The following CPNE4 variants were observed in gnomAD, a reference collection of about 807,000 sequenced individuals.
The protein encoded by CPNE4 is copine 4, also known as copine-4.
A neutral mutation model predicts 67.9 loss-of-function variants in CPNE4; 25 were observed. The ratio of observed to expected loss-of-function variants is 0.37; its 90% CI spans 0.27 to 0.51. The LOEUF is 0.51. Ranked by LOEUF, CPNE4 falls within the 20% of genes least tolerant of loss-of-function variation. CPNE4 has a pLI of 0.93. For missense variants in CPNE4, 464 were observed against 690.8 expected, an observed-to-expected ratio of 0.67 and a Z score of 3.68; for synonymous variants, 242 against 244.9, an observed-to-expected ratio of 0.99 and a Z score of 0.11.
chr3:131,990,788 TC>T (rs2073158810), intron 1 of CPNE4, among the ~76,000 whole-genome samples: 1 of 135,652 alleles, frequency 7.4e-6, no homozygotes, highest in African/African-American at 2.5e-5. Context: ...CTTGGCTGTG[TC>T]CCCACCCAAA....
At chr3:131,716,880 A>AC (rs2081705446) in intron 3 of CPNE4, among the ~76,000 whole-genome samples, 3 of 152,124 alleles carry the variant, frequency 2.0e-5, no homozygotes, top group African/African-American at 7.2e-5. Flanking sequence ...AGACCATCAG[A>AC]CCCCACACCA....
intron 1 of CPNE4, among the ~76,000 whole-genome samples, chr3:132,005,324 T>TATAC (rs2073562277): frequency 2.0e-5 from 1 of 51,056 alleles, no homozygotes; most frequent in Non-Finnish European, 4.9e-5. Context: ...CATATATATA[T>TATAC]ATATATATAT....
At position 131,535,381 on chromosome 3, in the gene CPNE4, A is replaced by C. The variant is rs772404448; in HGVS notation, c.1540-52T>G. ...CGTTGGCTTCTGGTCAAGGAATCAG[A>C]CTCATCCTAAAAGATTTGAGTCCTG... On this transcript the variant is annotated intron_variant, in intron 15 of 15. Coordinates refer to ENST00000429747, the MANE Select transcript of CPNE4 (RefSeq NM_130808.3). The C allele has an allele frequency of 1.9e-6, 3 of 1,562,970 alleles. No homozygotes were observed. The South Asian group carries it at 3.6e-5, about 19-fold the overall frequency.
chr3:131,827,283 C>G (rs1478898494), intron 2 of CPNE4, among the ~76,000 whole-genome samples: 1 of 152,106 alleles, frequency 6.6e-6, no homozygotes, highest in Non-Finnish European at 1.5e-5. Flanking sequence ...GTTTCTTTAG[C>G]CTTGCCAGTA....
intron 1 of CPNE4, among the ~76,000 whole-genome samples, chr3:131,979,549 C>A (rs2107634729): frequency 6.6e-6 from 1 of 152,248 alleles, no homozygotes; most frequent in Non-Finnish European, 1.5e-5. Context: ...TTTTCCACCC[C>A]TTTACTTTAA....
chr3:131,564,924 A>G (rs1031771698), intron 10 of CPNE4, among the ~76,000 whole-genome samples: 2 of 152,032 alleles, frequency 1.3e-5, no homozygotes, highest in African/African-American at 4.8e-5. Flanking sequence ...TTCATGTAAG[A>G]ACTCCTGCCT....
chr3:132,030,326 C>T (rs963979284), intron 1 of CPNE4, among the ~76,000 whole-genome samples: 1 of 152,062 alleles, frequency 6.6e-6, no homozygotes, highest in African/African-American at 2.4e-5. Flanking sequence ...TTGCTAGAGT[C>T]AGCAGATGAT....
chr3:131,760,572 C>T (rs988399654), intron 2 of CPNE4, among the ~76,000 whole-genome samples: 6 of 152,154 alleles, frequency 3.9e-5, no homozygotes, highest in African/African-American at 7.2e-5. Context: ...AAAGCCTAGA[C>T]TTTTCCCCAT....
At chr3:131,711,626 C>T (rs534988627) in intron 3 of CPNE4, among the ~76,000 whole-genome samples, 1 of 152,134 alleles carries the variant, frequency 6.6e-6, no homozygotes, top group South Asian at 2.1e-4. Context: ...GGCTCATGTT[C>T]CATGCAAAAC....
intron 1 of CPNE4, among the ~76,000 whole-genome samples, chr3:131,967,411 T>C (rs1014855941): frequency 6.6e-6 from 1 of 152,148 alleles, no homozygotes; most frequent in African/African-American, 2.4e-5. Flanking sequence ...GGTATTTAAA[T>C]AGGAAGAAAG....
intron 1 of CPNE4, among the ~76,000 whole-genome samples, chr3:131,978,150 A>AAT (rs1553820779): frequency 2.3e-4 from 16 of 69,394 alleles, no homozygotes; most frequent in Non-Finnish European, 3.2e-4. Context: ...ATATATATAA[A>AAT]ATATATAAAT....
chr3:131,854,732 C>T (rs1213912316), intron 2 of CPNE4, among the ~76,000 whole-genome samples: 1 of 151,416 alleles, frequency 6.6e-6, no homozygotes, highest in Non-Finnish European at 1.5e-5. Context: ...TATTTTCTCT[C>T]CCTCCATCTT....
intron 1 of CPNE4, among the ~76,000 whole-genome samples, chr3:131,938,265 G>A (rs1296330191): frequency 2.6e-5 from 4 of 151,980 alleles, no homozygotes. Context: ...GCTGAGATCG[G>A]AGGATCACTT....
intron 1 of CPNE4, among the ~76,000 whole-genome samples, chr3:131,930,262 A>T (rs1192089586): frequency 6.6e-6 from 1 of 152,134 alleles, no homozygotes; most frequent in Non-Finnish European, 1.5e-5. Context: ...ACATTGCAGT[A>T]ACCCATATGT....
At chr3:131,929,756 A>G (rs1057030211) in intron 1 of CPNE4, among the ~76,000 whole-genome samples, 6 of 152,154 alleles carry the variant, frequency 3.9e-5, no homozygotes, top group Non-Finnish European at 8.8e-5. Flanking sequence ...CATTCTGTCA[A>G]AAGTGAGTAC....
intron 7 of CPNE4, among the ~76,000 whole-genome samples, chr3:131,609,916 C>A (rs1471699953): frequency 6.6e-6 from 1 of 152,112 alleles, no homozygotes; most frequent in African/African-American, 2.4e-5. Flanking sequence ...TGGACTGTTA[C>A]AAATGAACTC....
intron 2 of CPNE4, among the ~76,000 whole-genome samples, chr3:131,834,311 G>C (rs1213930010): frequency 6.6e-6 from 1 of 151,982 alleles, no homozygotes; most frequent in East Asian, 1.9e-4. Context: ...CTTTTGTTTG[G>C]CTCATACACT....
intron 3 of CPNE4, among the ~76,000 whole-genome samples, chr3:131,714,791 T>G (rs895368532): frequency 3.9e-5 from 6 of 152,098 alleles, no homozygotes; most frequent in Admixed American, 6.6e-5. Context: ...CATGCTCAAG[T>G]TTGGGAACCA....
At chr3:131,665,308 G>A (rs941941238) in intron 7 of CPNE4, among the ~76,000 whole-genome samples, 3 of 152,026 alleles carry the variant, frequency 2.0e-5, no homozygotes, top group African/African-American at 7.2e-5. Context: ...ATCACATTGA[G>A]GGTATTAGAA....
Sources: allele counts gnomAD v4.1 joint callset (sites outside exome capture counted in the v4.1 genomes callset), GRCh38; gene constraint gnomAD v4.1.1; transcripts MANE v1.5; gene names NCBI Gene and HGNC (gene_info 2026-07-23, HGNC 2026-07-21).